The following ANK2 variants were observed in gnomAD, a reference collection of about 807,000 sequenced individuals.
ANK2 encodes the protein ankyrin-2.
In ANK2, 83 loss-of-function variants were observed where a neutral mutation model predicts 360.5. The observed-to-expected ratio is 0.23, with a 90% confidence interval of 0.19 to 0.28. The LOEUF (loss-of-function observed/expected upper bound fraction) is 0.28, where lower values mean the gene tolerates loss of function less well. Among genes scored for constraint, ANK2 ranks in the 10% least tolerant of loss-of-function variants. The pLI is 1.00. For missense variants in ANK2, 4,201 were observed against 4,795.7 expected (o/e 0.88, Z 3.66); for synonymous variants, 1,740 against 1,759.5 (o/e 0.99, Z 0.28).
chr4:113,261,117 T>A (rs2052637081), intron 13 of ANK2, among the ~76,000 whole-genome samples: 1 of 152,220 alleles, frequency 6.6e-6, no homozygotes, highest in African/African-American at 2.4e-5. Flanking sequence ...ATTCTCTTGC[T>A]AGTTTTGTTT....
At chr4:112,744,988 CTA>C in the ANK2 span, among the ~76,000 whole-genome samples, 1 of 152,138 alleles carries the variant, frequency 6.6e-6, no homozygotes, top group African/African-American at 2.4e-5. Context: ...GTGTTTTGCT[CTA>C]TTGATTTGTA....
At chr4:113,005,552 G>T (rs1243642274) in intron 2 of ANK2, among the ~76,000 whole-genome samples, 2 of 152,108 alleles carry the variant, frequency 1.3e-5, no homozygotes, top group East Asian at 1.9e-4. Flanking sequence ...TGGACATAGA[G>T]AATAGAATAA....
chr4:112,826,761 C>A, intron 1 of ANK2: 1 of 924,628 alleles, frequency 1.1e-6, no homozygotes, highest in Non-Finnish European at 1.7e-6. Context: ...TGTTCTAAAG[C>A]AAATTACTCT....
intron 1 of ANK2, among the ~76,000 whole-genome samples, chr4:112,903,312 C>T (rs1185953554): frequency 6.6e-6 from 1 of 152,160 alleles, no homozygotes; most frequent in Non-Finnish European, 1.5e-5. Flanking sequence ...GAGGGATCAT[C>T]TTGGAGAGTT....
In ANK2 at chr4:113,249,555, C is replaced by T. The variant is rs76805138; in HGVS notation, c.892-209C>T. Among the ~76,000 whole-genome samples, 383 of 152,280 alleles carry T rather than the reference C, an allele frequency of 2.5e-3. 1 individual carries two copies. Among genetic ancestry groups the T allele is most frequent in the Non-Finnish European group, 4.0e-3 (275 of 68,026 alleles). ...CTGTCTCTGTTTTGTTTGTCTTTCCCTTTCTCTTTCTTGTTCTCTGTGAAG... is the reference window on the plus strand; with the variant it reads ...CTGTCTCTGTTTTGTTTGTCTTTCCTTTTCTCTTTCTTGTTCTCTGTGAAG... On this transcript the variant is annotated intron_variant, in intron 9 of 45. Transcript: ENST00000357077.
intron 23 of ANK2, among the ~76,000 whole-genome samples, chr4:113,304,918 TA>T (rs1224243742): frequency 6.6e-6 from 1 of 152,226 alleles, no homozygotes; most frequent in African/African-American, 2.4e-5. Context: ...TTTAAATTTA[TA>T]AATCAGATAA....
intron 1 of ANK2, among the ~76,000 whole-genome samples, chr4:113,096,606 T>G (rs1484852582): frequency 6.6e-6 from 1 of 152,212 alleles, no homozygotes; most frequent in East Asian, 1.9e-4. Context: ...AAAATTCTAT[T>G]GGTCATCACA....
intron 2 of ANK2, among the ~76,000 whole-genome samples, chr4:112,986,650 C>G (rs1365312333): frequency 6.6e-6 from 1 of 152,168 alleles, no homozygotes; most frequent in Admixed American, 6.5e-5. Flanking sequence ...TTGAAGGAGA[C>G]ATTTTTATAG....
intron 2 of ANK2, among the ~76,000 whole-genome samples, chr4:112,958,379 G>T (rs2032311240): frequency 6.6e-6 from 1 of 152,226 alleles, no homozygotes; most frequent in African/African-American, 2.4e-5. Context: ...ATCACTCGCG[G>T]TTAGGAGCTG....
In ANK2 at chr4:113,355,659, A is replaced by T; in HGVS notation, c.7041A>T (p.Ala2347=). ...CACCTACAGGACTGACTGAGGAGGC[A>T]GCCTGTGATGAAGGTCAACGTACCT... ...KETPTGLTEE[A]ACDEGQRTFG... Residue 2347 remains alanine, a synonymous_variant, in exon 38 of 46, where the codon GCA becomes GCT. Transcript: ENST00000357077. The T allele has an allele frequency of 3.7e-6, 6 of 1,614,174 alleles. No homozygotes were observed. Among genetic ancestry groups the T allele is most frequent in the Non-Finnish European group, 5.1e-6 (6 of 1,179,990 alleles).
chr4:112,903,183 A>G (rs914636691), intron 1 of ANK2, among the ~76,000 whole-genome samples: 7 of 152,180 alleles, frequency 4.6e-5, no homozygotes, highest in African/African-American at 1.7e-4. Flanking sequence ...TGGAAGGTGG[A>G]GGGGAGCCCA....
chr4:113,345,889 T>C lies in ANK2; in HGVS notation c.4249-11T>C. 1 of 1,613,304 alleles carries C rather than the reference T, an allele frequency of 6.2e-7. No individual in the cohort carries two copies. Among genetic ancestry groups the C allele is most frequent in the Non-Finnish European group, 8.5e-7 (1 of 1,179,362 alleles). The stretch of plus-strand genomic sequence containing the variant: ...AATGTGGGTGAAGCATGTATGTCTT[T>C]CTTGTTCAAGGTACGCGATACGACT... On this transcript the variant is annotated splice_polypyrimidine_tract_variant and intron_variant, in intron 34 of 45. Transcript: ENST00000357077.
At chr4:112,884,405 A>T (rs952597161) in intron 1 of ANK2, among the ~76,000 whole-genome samples, 9 of 152,178 alleles carry the variant, frequency 5.9e-5, no homozygotes, top group Non-Finnish European at 1.3e-4. Context: ...ATGCAAACAA[A>T]TCAGAATGGT....
At chr4:113,080,090 G>A (rs2081774002) in intron 1 of ANK2, among the ~76,000 whole-genome samples, 1 of 152,014 alleles carries the variant, frequency 6.6e-6, no homozygotes. Flanking sequence ...GTAGAGACGG[G>A]GTTTCGCCAT....
At chr4:113,335,059 C>A (rs2093313096) in intron 29 of ANK2, among the ~76,000 whole-genome samples, 1 of 152,060 alleles carries the variant, frequency 6.6e-6, no homozygotes, top group African/African-American at 2.4e-5. Flanking sequence ...TAAAAATGAA[C>A]AACTTTCCAT....
the ANK2 span, among the ~76,000 whole-genome samples, chr4:112,803,618 G>A: frequency 1.3e-5 from 2 of 152,132 alleles, no homozygotes; most frequent in Non-Finnish European, 2.9e-5. Flanking sequence ...ACTGATTTCA[G>A]AATTTCTACG....
Position 113,156,000 on chromosome 4 carries a change from C to G in ANK2, c.85-18416C>G, listed in dbSNP as rs1043606885. 6.6e-5 allele frequency among the ~76,000 whole-genome samples: 10 copies of G among 152,280 alleles called. No homozygotes were observed. In the East Asian group the frequency reaches 1.9e-3, roughly 29 times the overall value. On this transcript the variant is annotated intron_variant, in intron 1 of 45. Transcript: ENST00000357077. ...TTTGTAATGTCTTTTCAGTTAGCAA[C>G]TTTCAATGCCTACAGTGTGTGCCAA...
At chr4:113,247,898 G>T (rs545979654) in intron 9 of ANK2, among the ~76,000 whole-genome samples, 5 of 152,192 alleles carry the variant, frequency 3.3e-5, no homozygotes, top group African/African-American at 7.2e-5. Flanking sequence ...AAGTTATGTA[G>T]CAACTAATGC....
intron 20 of ANK2, among the ~76,000 whole-genome samples, chr4:113,291,099 ATATAT>A (rs1322957318): frequency 6.6e-6 from 1 of 152,174 alleles, no homozygotes; most frequent in Non-Finnish European, 1.5e-5. Context: ...TATTATAGTG[ATATAT>A]TATTTTATTA....
Sources: allele counts gnomAD v4.1 joint callset (sites outside exome capture counted in the v4.1 genomes callset), GRCh38; gene constraint gnomAD v4.1.1; transcripts MANE v1.5; gene names NCBI Gene and HGNC (gene_info 2026-07-23, HGNC 2026-07-21).